The following TPTE2 variants were observed in gnomAD, a reference collection of about 807,000 sequenced individuals.
TPTE2 encodes transmembrane phosphoinositide 3-phosphatase and tensin homolog 2.
A neutral mutation model predicts 78.6 loss-of-function variants in TPTE2; 53 were observed. That is an observed-to-expected ratio of 0.67 (90% CI 0.54 to 0.85). The LOEUF is 0.85. TPTE2 is among the 40% of genes least tolerant of loss of function. The pLI is 0.00. For missense variants in TPTE2, 461 were observed against 623.0 expected, an observed-to-expected ratio of 0.74 and a Z score of 2.77; for synonymous variants, 175 against 206.2, an observed-to-expected ratio of 0.85 and a Z score of 1.30.
intron 5 of TPTE2, among the ~76,000 whole-genome samples, chr13:19,475,319 C>T (rs1226842590): frequency 1.3e-5 from 2 of 151,782 alleles, no homozygotes; most frequent in African/African-American, 2.4e-5. Flanking sequence ...TATGCCTCCT[C>T]GGTCCAAGCG....
chr13:19,436,114 A>G (rs550225838), intron 15 of TPTE2, 112 bp downstream of exon 18: 27 of 878,464 alleles, frequency 3.1e-5, no homozygotes, highest in Admixed American at 1.3e-4. Flanking sequence ...AGGGCACCCA[A>G]CTGCTGCTGC....
chr13:19,434,607 TTTGGGGC>T (rs1479602837), intron 15 of TPTE2, among the ~76,000 whole-genome samples: 1 of 152,080 alleles, frequency 6.6e-6, no homozygotes, highest in Non-Finnish European at 1.5e-5. Context: ...TTTTGTTTTG[TTTGGGGC>T]TTGGGTGTGG....
chr13:19,477,348 T>C (rs1401305754), intron 4 of TPTE2, among the ~76,000 whole-genome samples: 1 of 150,434 alleles, frequency 6.6e-6, no homozygotes, highest in Non-Finnish European at 1.5e-5. Context: ...AAACCCCACG[T>C]GTACCTCCAA....
intron 1 of TPTE2, among the ~76,000 whole-genome samples, chr13:19,514,590 A>AGTGTGTGTGTGTGTGTGTGT (rs1282304990): frequency 3.2e-4 from 6 of 18,656 alleles, no homozygotes; most frequent in East Asian, 3.7e-3. Flanking sequence ...AGTACTTCTG[A>AGTGTGTGTGTGTGTGTGTGT]GAGTGTGTGT....
intron 15 of TPTE2, among the ~76,000 whole-genome samples, 191 bp downstream of exon 18, chr13:19,436,035 G>A (rs1039971141): frequency 1.3e-5 from 2 of 152,126 alleles, no homozygotes; most frequent in African/African-American, 4.8e-5. Flanking sequence ...GGAGAAGCCA[G>A]AGTCCCCAGC....
intron 1 of TPTE2, among the ~76,000 whole-genome samples, chr13:19,497,990 C>G (rs1051083861): frequency 1.3e-5 from 2 of 151,344 alleles, no homozygotes; most frequent in African/African-American, 4.9e-5. Flanking sequence ...GGCTCGAGAA[C>G]TACGTGAAGA....
chr13:19,473,631 T>C (rs1306833687), intron 6 of TPTE2, among the ~76,000 whole-genome samples: 2 of 132,134 alleles, frequency 1.5e-5, no homozygotes, highest in East Asian at 4.7e-4. Flanking sequence ...AGTCTCGCCC[T>C]GTCACCCAGG....
intron 14 of TPTE2, among the ~76,000 whole-genome samples, 153 bp downstream of exon 17, chr13:19,437,939 G>A (rs1877218223): frequency 6.6e-6 from 1 of 152,228 alleles, no homozygotes; most frequent in South Asian, 2.1e-4. Flanking sequence ...AAACAAGAAA[G>A]TATCAAAAAT....
chr13:19,561,063 C>T, the TPTE2 span: 1,538 of 1,581,856 alleles, frequency 9.7e-4, 17 homozygotes, highest in African/African-American at 0.018. Flanking sequence ...AGCTTCCCAC[C>T]GCCCTGCTCG....
rs1390052923 is a variant in TPTE2, at chr13:19,535,399, G to A, written c.-44+1197C>T. Among the ~76,000 whole-genome samples, 1 of 151,730 alleles carries A rather than the reference G, an allele frequency of 6.6e-6. No individual in the cohort carries two copies. Among genetic ancestry groups the A allele is most frequent in the African/African-American group, 2.4e-5 (1 of 41,348 alleles). ...AGGGACAATGTCATCACTGGCTAGT[G>A]AAAATTAGAAAAATTTAAGGAATTC... is the stretch of plus-strand genomic sequence containing the variant. On this transcript the variant is annotated intron_variant, in intron 1 of 17. Coordinates refer to the TPTE2 transcript ENST00000390680. This position sits in a 1 kb window ranked among gnomAD's most constrained non-coding sequence, Gnocchi z 5.1.
intron 4 of TPTE2, among the ~76,000 whole-genome samples, chr13:19,479,117 C>A (rs1880160112): frequency 6.6e-6 from 1 of 151,956 alleles, no homozygotes; most frequent in Non-Finnish European, 1.5e-5. Flanking sequence ...ATGTAACAAA[C>A]CTGCACATTG....
chr13:19,465,642 T>C (rs1879225913), intron 7 of TPTE2, 78 bp from the exon 11 acceptor site: 1 of 1,262,248 alleles, frequency 7.9e-7, no homozygotes, highest in Non-Finnish European at 1.1e-6. Context: ...AGAGCAGCAG[T>C]TGTTAACCAG....
intron 1 of TPTE2, among the ~76,000 whole-genome samples, chr13:19,517,813 T>C (rs1488930123): frequency 6.6e-6 from 1 of 152,146 alleles, no homozygotes; most frequent in South Asian, 2.1e-4. Flanking sequence ...CATACTGTTC[T>C]GCCATACATA....
Position 19,435,700 on chromosome 13 carries a change from A to T in TPTE2, c.1116+526T>A, listed in dbSNP as rs1013499041. The stretch of plus-strand genomic sequence containing the variant: ...ATACAGAAGGGGTTTTGAAAAGTTT[A>T]TTTCCCCTTTTATTTTCTCTTTTAA... On this transcript the variant is annotated intron_variant, in intron 15 of 19. Coordinates refer to ENST00000400230, the Ensembl canonical transcript of TPTE2. Among the ~76,000 whole-genome samples the T allele has an allele frequency of 9.3e-5, 14 of 151,294 alleles. No homozygotes were observed. The South Asian group carries it at 2.1e-3, about 23-fold the overall frequency.
At chr13:19,493,756 C>T (rs1593395461) in intron 1 of TPTE2, 1 of 503,506 alleles carries the variant, frequency 2.0e-6, no homozygotes, top group Non-Finnish European at 3.6e-6. Flanking sequence ...TGACCTCAGT[C>T]CCAATGTGTG....
At chr13:19,470,915 AT>A (rs1879573864) in intron 6 of TPTE2, among the ~76,000 whole-genome samples, 1 of 138,066 alleles carries the variant, frequency 7.2e-6, no homozygotes. Flanking sequence ...TTATTTATTT[AT>A]TTATTTATTT....
chr13:19,423,035 C>G (rs376960319), exon 20 of TPTE2: 111 of 1,609,612 alleles, frequency 6.9e-5, no homozygotes, highest in Non-Finnish European at 8.9e-5. Flanking sequence ...TATACTTAGT[C>G]GGATCCAGCT....
chr13:19,456,838 A>T lies in TPTE2; in HGVS notation c.742-5613T>A, dbSNP rs78939284. ...AATTGCCAAGATGATTCTAAAATTTATATGGAAATTCAAAAAATCTAAGAG... is the reference window on the plus strand; with the variant it reads ...AATTGCCAAGATGATTCTAAAATTTTTATGGAAATTCAAAAAATCTAAGAG... On this transcript the variant is annotated intron_variant, in intron 10 of 19. Coordinates refer to ENST00000400230, the Ensembl canonical transcript of TPTE2. Among the ~76,000 whole-genome samples, 518 of 152,290 alleles carry T rather than the reference A, an allele frequency of 3.4e-3. 20 individuals are homozygous for T. The East Asian group carries it at 0.071, about 21-fold the overall frequency.
intron 5 of TPTE2, among the ~76,000 whole-genome samples, chr13:19,475,232 CTT>C (rs879447651): frequency 4.2e-5 from 6 of 142,676 alleles, no homozygotes; most frequent in Admixed American, 7.0e-5. Context: ...ATTTTTTTTT[CTT>C]TTTTTTTTTT....
Sources: allele counts gnomAD v4.1 joint callset (sites outside exome capture counted in the v4.1 genomes callset), GRCh38; gene constraint gnomAD v4.1.1; non-coding constraint Gnocchi (gnomAD v3.1); transcripts MANE v1.5; gene names NCBI Gene and HGNC (gene_info 2026-07-23, HGNC 2026-07-21).